CSMD1: variants seen among roughly 807,000 people sequenced by gnomAD.
The protein encoded by CSMD1 is CUB and sushi domain-containing protein 1.
Under a neutral mutation model 417.5 loss-of-function variants are expected in CSMD1, and 213 were observed. The observed-to-expected ratio is 0.51, with a 90% CI of 0.46 to 0.57. CSMD1 has a LOEUF of 0.57. CSMD1 is among the 20% of genes least tolerant of loss of function. CSMD1 has a pLI of 0.00. For missense variants in CSMD1, 6,923 were observed against 4,529.7 expected, an observed-to-expected ratio of 1.53 and a Z score of -15.17; for synonymous variants, 2,862 against 1,736.8, an observed-to-expected ratio of 1.65 and a Z score of -16.11.
chr8:3,019,543 G>A (rs1014987414), intron 51 of CSMD1, among the ~76,000 whole-genome samples: 1 of 152,054 alleles, frequency 6.6e-6, no homozygotes, highest in Non-Finnish European at 1.5e-5. Context: ...TAATTTGTTG[G>A]GCTCATGAGC....
chr8:4,482,972 G>A (rs997048033), intron 2 of CSMD1, among the ~76,000 whole-genome samples: 2 of 152,126 alleles, frequency 1.3e-5, no homozygotes, highest in Non-Finnish European at 2.9e-5. Context: ...TGAAAATAGA[G>A]TAATGGAGTT....
At chr8:4,518,927 A>T (rs1013047711) in intron 2 of CSMD1, among the ~76,000 whole-genome samples, 6 of 152,130 alleles carry the variant, frequency 3.9e-5, no homozygotes, top group African/African-American at 1.4e-4. Flanking sequence ...GAGTTAAAGA[A>T]TTTATCAGCC....
intron 10 of CSMD1, among the ~76,000 whole-genome samples, chr8:3,556,415 T>TATATATATATATATATATACACATACATA (rs1799148435): frequency 1.1e-4 from 6 of 57,120 alleles, no homozygotes; most frequent in African/African-American, 3.1e-4. Context: ...ATATATATAT[T>TATATATATATATATATATACACATACATA]CACACACACA....
intron 46 of CSMD1, among the ~76,000 whole-genome samples, chr8:3,097,805 T>C (rs1256368864): frequency 6.6e-6 from 1 of 152,126 alleles, no homozygotes; most frequent in Non-Finnish European, 1.5e-5. Context: ...ATTTAAACGT[T>C]CGATGTGATT....
At chr8:4,186,402 C>G (rs80041939) in intron 3 of CSMD1, among the ~76,000 whole-genome samples, 53 of 152,234 alleles carry the variant, frequency 3.5e-4, no homozygotes, top group African/African-American at 1.3e-3. Flanking sequence ...CCAAGACAGT[C>G]CAGTCCCTGA....
At chr8:3,774,184 C>A (rs543536841) in intron 5 of CSMD1, among the ~76,000 whole-genome samples, 5 of 152,272 alleles carry the variant, frequency 3.3e-5, no homozygotes, top group African/African-American at 1.2e-4. Flanking sequence ...ACCTGCACCG[C>A]CTGACCCTTC....
chr8:3,346,350 G>A (rs1048233698), intron 22 of CSMD1, among the ~76,000 whole-genome samples: 1 of 152,114 alleles, frequency 6.6e-6, no homozygotes, highest in African/African-American at 2.4e-5. Flanking sequence ...CTAAAGTATA[G>A]TTAAGAGTTA....
chr8:2,990,611 GA>G (rs1806300987), intron 54 of CSMD1, among the ~76,000 whole-genome samples: 1 of 152,168 alleles, frequency 6.6e-6, no homozygotes, highest in Admixed American at 6.5e-5. Flanking sequence ...TTTTGAGCAA[GA>G]AACTAGGGAC....
chr8:4,945,244 G>A (rs142478047), intron 1 of CSMD1, among the ~76,000 whole-genome samples: 4 of 152,278 alleles, frequency 2.6e-5, no homozygotes, highest in Non-Finnish European at 5.9e-5. Flanking sequence ...AGAGGCTGTG[G>A]AAGGGAACAT....
At chr8:4,148,754 T>C (rs968268452) in intron 3 of CSMD1, among the ~76,000 whole-genome samples, 1 of 152,066 alleles carries the variant, frequency 6.6e-6, no homozygotes, top group Non-Finnish European at 1.5e-5. Flanking sequence ...AGGCTCCACA[T>C]CCTAATGCCA....
At chr8:3,761,146 G>C (rs867925206) in intron 5 of CSMD1, among the ~76,000 whole-genome samples, 1 of 151,948 alleles carries the variant, frequency 6.6e-6, no homozygotes, top group Admixed American at 6.6e-5. Flanking sequence ...CATGTTTTGA[G>C]TTTATACAAC....
intron 3 of CSMD1, among the ~76,000 whole-genome samples, chr8:4,415,643 T>C (rs1213525521): frequency 6.6e-6 from 1 of 152,224 alleles, no homozygotes; most frequent in Non-Finnish European, 1.5e-5. Context: ...TTCATCTTTG[T>C]ATTCCTGTAA....
chr8:3,776,211 T>G (rs936144755), intron 5 of CSMD1, among the ~76,000 whole-genome samples: 1 of 152,006 alleles, frequency 6.6e-6, no homozygotes, highest in Non-Finnish European at 1.5e-5. Context: ...CACCGGAGGG[T>G]GCCCTGTGCT....
intron 25 of CSMD1, among the ~76,000 whole-genome samples, chr8:3,305,902 G>C (rs1004924813): frequency 6.6e-6 from 1 of 152,004 alleles, no homozygotes; most frequent in Non-Finnish European, 1.5e-5. Flanking sequence ...GGATGATCTT[G>C]ATCTCCTCAC....
At chr8:3,597,389 G>A (rs200180050) in intron 8 of CSMD1, among the ~76,000 whole-genome samples, 1 of 66,746 alleles carries the variant, frequency 1.5e-5, no homozygotes, top group Non-Finnish European at 2.6e-5. Context: ...CCCTAAAGCT[G>A]ATTTCTATGG....
At chr8:3,385,700 T>G (rs1585087174) in intron 18 of CSMD1, among the ~76,000 whole-genome samples, 1 of 152,208 alleles carries the variant, frequency 6.6e-6, no homozygotes. Context: ...TTTTAGAGTT[T>G]ATGTTTAAAT....
At chr8:4,042,183 A>G (rs890975213) in intron 3 of CSMD1, among the ~76,000 whole-genome samples, 8 of 152,226 alleles carry the variant, frequency 5.3e-5, no homozygotes. Flanking sequence ...CAAAAAGTTC[A>G]GTAAGTGTAA....
chr8:3,989,136 G>T (rs192792778), intron 5 of CSMD1, among the ~76,000 whole-genome samples: 29 of 152,250 alleles, frequency 1.9e-4, no homozygotes, highest in Non-Finnish European at 2.5e-4. Context: ...TATGTGGGGC[G>T]GGCATTTTGC....
intron 68 of CSMD1, among the ~76,000 whole-genome samples, chr8:2,944,865 C>A (rs1392251975): frequency 4.0e-5 from 6 of 151,836 alleles, no homozygotes. Context: ...AATCTGAAAA[C>A]AAAGCTACAT....
Sources: allele counts gnomAD v4.1 joint callset (sites outside exome capture counted in the v4.1 genomes callset), GRCh38; gene constraint gnomAD v4.1.1; transcripts MANE v1.5; gene names NCBI Gene and HGNC (gene_info 2026-07-23, HGNC 2026-07-21).